KCNK9: variants seen among roughly 807,000 people sequenced by gnomAD.
KCNK9 encodes the protein potassium two pore domain channel subfamily K member 9, also known as potassium channel subfamily K member 9.
A neutral mutation model predicts 10.8 loss-of-function variants in KCNK9; 1 was observed. The observed-to-expected ratio is 0.09, with a 90% CI of 0.03 to 0.44. The LOEUF (loss-of-function observed/expected upper bound fraction) is 0.44, where lower values mean the gene tolerates loss of function less well. Among genes scored for constraint, KCNK9 ranks in the 20% least tolerant of loss-of-function variants. The probability of loss-of-function intolerance (pLI) is 0.97; values close to 1 mark genes in which losing one functional copy is unlikely to be tolerated. For missense variants in KCNK9, 303 were observed against 515.0 expected (o/e 0.59, Z 3.98); for synonymous variants, 231 against 222.7 (o/e 1.04, Z -0.33).
chr8:139,685,195 TA>T (rs1816763968), intron 1 of KCNK9, among the ~76,000 whole-genome samples: 1 of 152,240 alleles, frequency 6.6e-6, no homozygotes, highest in Non-Finnish European at 1.5e-5. Flanking sequence ...CTGTAAATTT[TA>T]AAATACAGAA....
chr8:139,701,327 T>C (rs1817213721), intron 1 of KCNK9, among the ~76,000 whole-genome samples: 1 of 152,200 alleles, frequency 6.6e-6, no homozygotes, highest in African/African-American at 2.4e-5. Context: ...CCTGCACCAA[T>C]GAATTAAACA....
intron 1 of KCNK9, among the ~76,000 whole-genome samples, chr8:139,626,335 A>AC (rs1048729562): frequency 1.9e-4 from 29 of 152,128 alleles, no homozygotes; most frequent in African/African-American, 6.5e-4. Flanking sequence ...CAGGGCCTTT[A>AC]CCTCCTGCCT....
rs367810498 is a variant in KCNK9, at chr8:139,672,020, A to T, written c.283+30690T>A. On this transcript the variant is annotated intron_variant, in intron 1 of 1. Transcript: ENST00000520439. ...CCCGCCCTGATGAACATGATGCAGC[A>T]TCGGCTTGAGGCTAGGAGAACAAGG... 2.0e-5 allele frequency among the ~76,000 whole-genome samples: 3 copies of T among 152,212 alleles called. No homozygotes were observed. The East Asian group carries it at 5.8e-4, about 29-fold the overall frequency.
At chr8:139,603,405 C>G (rs902732548) in intron 2 of KCNK9, among the ~76,000 whole-genome samples, 2 of 152,168 alleles carry the variant, frequency 1.3e-5, no homozygotes, top group Non-Finnish European at 2.9e-5. Context: ...AGTTGTGGAT[C>G]GTGCACTGAT....
chr8:139,621,848 T>TGGA (rs1164249401), intron 1 of KCNK9, among the ~76,000 whole-genome samples: 2 of 152,208 alleles, frequency 1.3e-5, no homozygotes, highest in African/African-American at 4.8e-5. Flanking sequence ...GCTGGAATGC[T>TGGA]GGAGAATAAC....
intron 1 of KCNK9, among the ~76,000 whole-genome samples, chr8:139,652,216 A>G (rs1815888317): frequency 6.6e-6 from 1 of 152,038 alleles, no homozygotes; most frequent in Admixed American, 6.6e-5. Flanking sequence ...ACCCACCCCC[A>G]ATGCTTCCAC....
chr8:139,644,723 C>CCA (rs1554622167), intron 1 of KCNK9, among the ~76,000 whole-genome samples: 1 of 150,262 alleles, frequency 6.7e-6, no homozygotes, highest in Non-Finnish European at 1.5e-5. Flanking sequence ...TGTCCCCCCC[C>CCA]CCCAGAGCCT....
intron 1 of KCNK9, among the ~76,000 whole-genome samples, chr8:139,653,097 G>C (rs1389099597): frequency 1.3e-5 from 2 of 152,152 alleles, no homozygotes; most frequent in African/African-American, 4.8e-5. Context: ...ATTTGACAGG[G>C]TGCAGCACCA....
At chr8:139,608,841 G>C (rs555267440), downstream of KCNK9, among the ~76,000 whole-genome samples, 1 of 152,202 alleles carries the variant, frequency 6.6e-6, no homozygotes, top group Non-Finnish European at 1.5e-5. Flanking sequence ...TCATCTGAAC[G>C]TGGCTCTTGG....
intron 1 of KCNK9, among the ~76,000 whole-genome samples, chr8:139,633,386 T>A (rs986667991): frequency 6.6e-6 from 1 of 152,126 alleles, no homozygotes; most frequent in African/African-American, 2.4e-5. Flanking sequence ...TCACTCAGTA[T>A]CCTTGTTGGC....
At chr8:139,669,332 G>A (rs1371967712) in intron 1 of KCNK9, among the ~76,000 whole-genome samples, 2 of 152,182 alleles carry the variant, frequency 1.3e-5, no homozygotes, top group East Asian at 1.9e-4. Flanking sequence ...TGGAGTATGC[G>A]ATGCTGTTTG....
intron 2 of KCNK9, among the ~76,000 whole-genome samples, chr8:139,606,910 G>A (rs1814235235): frequency 6.6e-6 from 1 of 152,110 alleles, no homozygotes; most frequent in South Asian, 2.1e-4. Flanking sequence ...CTATTTAGTG[G>A]AGATTTCTGA....
intron 2 of KCNK9, among the ~76,000 whole-genome samples, chr8:139,605,441 G>A (rs964137444): frequency 2.0e-5 from 3 of 152,146 alleles, no homozygotes; most frequent in Admixed American, 6.5e-5. Context: ...TTACTTGACC[G>A]AGGTTGTTAG....
Position 139,619,086 on chromosome 8 carries a change from A to G in KCNK9, c.297T>C (p.Ala99=), listed in dbSNP as rs1472989257. The G allele has an allele frequency of 3.7e-6, 6 of 1,614,030 alleles. No homozygotes were observed. In the Admixed American group the frequency reaches 8.3e-5, roughly 22 times the overall value. ...TVITTIGYGH[A]APGTDAGKAF... ...CCTTGCCCGCATCGGTGCCAGGTGC[A>G]GCGTGCCCATAACCTGTGGGAAGGG... is the stretch of plus-strand genomic sequence containing the variant. Residue 99 remains alanine, a synonymous_variant, in exon 2 of 2, where the codon GCT becomes GCC. Coordinates refer to ENST00000520439, the MANE Select transcript of KCNK9 (RefSeq NM_001282534.2).
At chr8:139,605,440 C>T (rs1445499107) in intron 2 of KCNK9, among the ~76,000 whole-genome samples, 2 of 152,062 alleles carry the variant, frequency 1.3e-5, no homozygotes, top group Non-Finnish European at 2.9e-5. Context: ...CTTACTTGAC[C>T]GAGGTTGTTA....
intron 1 of KCNK9, among the ~76,000 whole-genome samples, chr8:139,640,103 C>T (rs1276799464): frequency 6.6e-6 from 1 of 152,190 alleles, no homozygotes; most frequent in Non-Finnish European, 1.5e-5. Context: ...AGGCCAGGCT[C>T]GGATAGATCT....
At chr8:139,641,238 T>C (rs1181192187) in intron 1 of KCNK9, among the ~76,000 whole-genome samples, 1 of 152,144 alleles carries the variant, frequency 6.6e-6, no homozygotes, top group African/African-American at 2.4e-5. Flanking sequence ...GAACAGCTCA[T>C]TCATACCTTG....
intron 1 of KCNK9, among the ~76,000 whole-genome samples, chr8:139,698,186 G>A (rs112385808): frequency 1.1e-4 from 16 of 152,344 alleles, no homozygotes; most frequent in African/African-American, 3.8e-4. Flanking sequence ...GCCTTGGTGT[G>A]TGTGGCCTTA....
At chr8:139,653,006 C>T (rs1815913473) in intron 1 of KCNK9, among the ~76,000 whole-genome samples, 1 of 152,226 alleles carries the variant, frequency 6.6e-6, no homozygotes, top group African/African-American at 2.4e-5. Flanking sequence ...TTGCTGCTGT[C>T]CCCAATGATG....
Sources: allele counts gnomAD v4.1 joint callset (sites outside exome capture counted in the v4.1 genomes callset), GRCh38; gene constraint gnomAD v4.1.1; transcripts MANE v1.5; gene names NCBI Gene and HGNC (gene_info 2026-07-23, HGNC 2026-07-21).